MICALL2: variants seen among roughly 807,000 people sequenced by gnomAD.
MICALL2 encodes the protein MICAL like 2, also known as MICAL-like protein 2.
In MICALL2, 111 loss-of-function variants were observed where a neutral mutation model predicts 91.1. The ratio of observed to expected loss-of-function variants is 1.22; its 90% confidence interval spans 1.04 to 1.43. The LOEUF is 1.43. Ranked by LOEUF, MICALL2 falls within the 40% of genes most tolerant of loss-of-function variation. The probability of loss-of-function intolerance (pLI) is 0.00; values close to 1 mark genes in which losing one functional copy is unlikely to be tolerated. For missense variants in MICALL2, 1,556 were observed against 1,236.0 expected, an observed-to-expected ratio of 1.26 and a Z score of -3.88; for synonymous variants, 694 against 525.3, an observed-to-expected ratio of 1.32 and a Z score of -4.39.
In MICALL2 at chr7:1,440,785, T is replaced by C. The variant is rs1780243948; in HGVS notation, c.1712-101A>G. On this transcript the variant is annotated intron_variant, in intron 7 of 16. Coordinates refer to ENST00000297508, the MANE Select transcript of MICALL2 (RefSeq NM_182924.4). ...CCCCCTGCCATCTTCCCATAGCCACTCCACCCTCAGACACCCCCACAGCCA... is the reference window on the plus strand; with the variant it reads ...CCCCCTGCCATCTTCCCATAGCCACCCCACCCTCAGACACCCCCACAGCCA... The C allele has an allele frequency of 3.0e-6, 3 of 1,000,964 alleles. No homozygotes were observed. The East Asian group carries it at 7.6e-5, about 25-fold the overall frequency. 62.0% of individuals were successfully genotyped at this position (1,000,964 alleles called of 1,614,324 possible). A position where few individuals can be genotyped will look rare whatever the true frequency, so the allele number is the denominator to read the frequency against.
Position 1,452,151 on chromosome 7 carries a change from C to T in MICALL2, c.144-1863G>A, listed in dbSNP as rs1780857938. Among the ~76,000 whole-genome samples, 2 of 152,180 alleles carry T rather than the reference C, an allele frequency of 1.3e-5. No individual in the cohort carries two copies. The highest frequency in any genetic ancestry group is 2.4e-5 in the African/African-American group (1 of 41,426). Reference sequence around the variant, plus strand: ...ACAGGTTTCAGACGGCAGGACCACCCGTCTGCACAGGCGGAGCTTCTGCAC... The same window carrying T: ...ACAGGTTTCAGACGGCAGGACCACCTGTCTGCACAGGCGGAGCTTCTGCAC... On this transcript the variant is annotated intron_variant, in intron 1 of 16. Coordinates refer to ENST00000297508, the MANE Select transcript of MICALL2 (RefSeq NM_182924.4). This position sits in a 1 kb window ranked among gnomAD's most constrained non-coding sequence, Gnocchi z 6.2.
chr7:1,438,349 T>A lies in MICALL2; in HGVS notation c.2127A>T (p.Arg709Ser). The change falls in exon 11 of 17, where the codon AGA (arginine) becomes AGT (serine). Residue 709 changes from arginine (R) to serine (S), a missense_variant. Arg to Ser is a moderately radical substitution (Grantham distance 110). Transcript: ENST00000297508. ...CAGGGACATTGGCCGGGGACAAGGGTCTCCCTGGAGAAGGAGCAGGGTGAG... is the reference window on the plus strand; with the variant it reads ...CAGGGACATTGGCCGGGGACAAGGGACTCCCTGGAGAAGGAGCAGGGTGAG... The part of the protein sequence containing the change: ...KKPHLQGKPG[R>S]PLSPANVPAL... 1 of 1,601,302 alleles carries A rather than the reference T, an allele frequency of 6.2e-7. No individual in the cohort carries two copies. Among genetic ancestry groups the A allele is most frequent in the Non-Finnish European group, 8.5e-7 (1 of 1,175,466 alleles).
chr7:1,437,576 A>C lies in MICALL2; in HGVS notation c.2435T>G (p.Leu812Arg), dbSNP rs1483053079. 2.0e-6 allele frequency: 3 copies of C among 1,536,342 alleles called. No individual in the cohort carries two copies. In the East Asian group the frequency reaches 7.4e-5, roughly 38 times the overall value. The change falls in exon 14 of 17, where the codon CTG (leucine) becomes CGG (arginine). Residue 812 changes from leucine to arginine, a missense_variant. Leu to Arg is a moderately radical substitution (Grantham distance 102). Coordinates refer to ENST00000297508, the MANE Select transcript of MICALL2 (RefSeq NM_182924.4). The part of the protein sequence containing the change: ...SKAQRLEEQQ[L>R]DIEGELRRLM... Reference sequence around the variant, plus strand: ...CCGGCGCAGCTCGCCCTCGATGTCCAGCTGCTGCTCCTCCAGACGCTGGGC... The same window carrying C: ...CCGGCGCAGCTCGCCCTCGATGTCCCGCTGCTGCTCCTCCAGACGCTGGGC...
intron 2 of MICALL2, 63 bp from the exon 3 acceptor site, chr7:1,448,824 C>T (rs1780709099): frequency 1.3e-6 from 2 of 1,584,598 alleles, no homozygotes; most frequent in South Asian, 1.1e-5. Context: ...CACCAGGCCG[C>T]AGCTCACCTC....
At position 1,447,726 on chromosome 7, in the gene MICALL2, G is replaced by A; in HGVS notation, c.374C>T (p.Ser125Phe). ...MAGVKRASED[S>F]EEEPSGKKAP... ...CTTCTTCCCTGACGGCTCCTCCTCA[G>A]AGTCCTCCGAGGCCCTCTTCACGCC... Residue 125 changes from serine to phenylalanine, a missense_variant, in exon 4 of 17, where the codon TCT becomes TTT. Ser to Phe is a radical substitution (Grantham distance 155, BLOSUM62 -2). Transcript: ENST00000297508. The A allele has an allele frequency of 6.4e-7, 1 of 1,571,980 alleles. No homozygotes were observed. The highest frequency in any genetic ancestry group is 8.6e-7 in the Non-Finnish European group (1 of 1,159,584).
At chr7:1,434,701 G>A in intron 16 of MICALL2, 29 bp from the exon 17 acceptor site, 1 of 1,526,578 alleles carries the variant, frequency 6.6e-7, no homozygotes, top group South Asian at 1.3e-5. Flanking sequence ...GTGAGGCCGT[G>A]CTCAACGCCG....
chr7:1,445,209 C>A lies in MICALL2; in HGVS notation c.861G>T (p.Trp287Cys), dbSNP rs768596293. 6.2e-7 allele frequency: 1 copy of A among 1,603,342 alleles called. No homozygotes were observed. The highest frequency in any genetic ancestry group is 8.5e-7 in the Non-Finnish European group (1 of 1,175,796). The change falls in exon 6 of 17, where the codon TGG (tryptophan) becomes TGT (cysteine). Residue 287 changes from tryptophan to cysteine, a missense_variant. By Grantham distance (215) the Trp-to-Cys change is radical (BLOSUM62 -2). Coordinates refer to ENST00000297508, the MANE Select transcript of MICALL2 (RefSeq NM_182924.4). ...CAGGCGAGTTGCCCGCAGCAGGCTC[C>A]CAGGCCGACGGTCTGGCCTTGTTTG... The part of the protein sequence containing the change: ...QEANKARPSA[W>C]EPAAGNSPAR...
chr7:1,456,414 C>T (rs1412895708), intron 1 of MICALL2, among the ~76,000 whole-genome samples: 1 of 151,952 alleles, frequency 6.6e-6, no homozygotes, highest in Non-Finnish European at 1.5e-5. Context: ...GGCAAAACCC[C>T]GTCTCTAGAA....
chr7:1,453,626 T>C (rs1780914174), intron 1 of MICALL2, among the ~76,000 whole-genome samples: 1 of 151,988 alleles, frequency 6.6e-6, no homozygotes, highest in Non-Finnish European at 1.5e-5. Flanking sequence ...CAGCTACCCA[T>C]GGTGAGACGG....
chr7:1,456,016 G>A (rs1360071517), intron 1 of MICALL2, among the ~76,000 whole-genome samples: 10 of 151,880 alleles, frequency 6.6e-5, no homozygotes, highest in Non-Finnish European at 1.5e-4. Context: ...GACAGCCAAG[G>A]GCTGCATGAG....
intron 7 of MICALL2, chr7:1,440,971 G>A: frequency 4.5e-6 from 2 of 444,536 alleles, no homozygotes; most frequent in South Asian, 4.2e-5. Context: ...GAGCCCCGTG[G>A]ACCCTGATCC....
rs1037177533 is a variant in MICALL2, at chr7:1,451,730, G to A, written c.144-1442C>T. 2.0e-5 allele frequency among the ~76,000 whole-genome samples: 3 copies of A among 152,216 alleles called. No homozygotes were observed. Among genetic ancestry groups the A allele is most frequent in the Admixed American group, 6.5e-5 (1 of 15,286 alleles). On this transcript the variant is annotated intron_variant, in intron 1 of 16. Coordinates refer to ENST00000297508, the MANE Select transcript of MICALL2 (RefSeq NM_182924.4). This position sits in a 1 kb window ranked among gnomAD's most constrained non-coding sequence, Gnocchi z 4.5. ...AGTCTCCCTGTCTGGGAGGACAACCGCAGCTCCTGGTGGCGAATCTGACGG... is the reference window on the plus strand; with the variant it reads ...AGTCTCCCTGTCTGGGAGGACAACCACAGCTCCTGGTGGCGAATCTGACGG...
At position 1,442,100 on chromosome 7, in the gene MICALL2, T is replaced by C. The variant is rs1019564273; in HGVS notation, c.1711+92A>G. The C allele has an allele frequency of 5.0e-6, 7 of 1,405,258 alleles. No homozygotes were observed. In the African/African-American group the frequency reaches 5.7e-5, roughly 11 times the overall value. The allele number at this position is 1,405,258 out of a possible 1,614,324, so 87.0% of individuals were successfully genotyped here. On this transcript the variant is annotated intron_variant, in intron 7 of 16. Transcript: ENST00000297508. ...CGGAGAGGAAGGCGGGCGGGGCTGA[T>C]GATGAAACCGCACACACTGCAGAGT... is the stretch of plus-strand genomic sequence containing the variant.
chr7:1,450,716 C>T (rs956784675), intron 1 of MICALL2, among the ~76,000 whole-genome samples: 21 of 152,188 alleles, frequency 1.4e-4, no homozygotes, highest in Admixed American at 1.3e-4. Context: ...CCACAGGGAA[C>T]GGAGGAGAGA....
At chr7:1,442,937 C>T (rs1383570857) in intron 6 of MICALL2, among the ~76,000 whole-genome samples, 2 of 152,088 alleles carry the variant, frequency 1.3e-5, no homozygotes, top group Non-Finnish European at 2.9e-5. Context: ...GTCTCTCTGG[C>T]CCCGCCAGAC....
chr7:1,442,384 C>G lies in MICALL2; in HGVS notation c.1519G>C (p.Val507Leu). The G allele has an allele frequency of 6.2e-7, 1 of 1,609,192 alleles. No homozygotes were observed. The highest frequency in any genetic ancestry group is 8.5e-7 in the Non-Finnish European group (1 of 1,177,312). ...TCCATCCTCGAAGGGAGGCCAAGCACCCGGGGAGACGAGGACTGTAACGGC... is the reference window on the plus strand; with the variant it reads ...TCCATCCTCGAAGGGAGGCCAAGCAGCCGGGGAGACGAGGACTGTAACGGC... ...AKPLQSSSPRVLGLPSRMEPP... is the reference protein window; with the variant it reads ...AKPLQSSSPRLLGLPSRMEPP... The change falls in exon 7 of 17, where the codon GTG (valine) becomes CTG (leucine). Residue 507 changes from valine (V) to leucine (L), a missense_variant. Transcript: ENST00000297508.
intron 1 of MICALL2, among the ~76,000 whole-genome samples, chr7:1,458,343 C>A (rs574536289): frequency 6.6e-6 from 1 of 152,242 alleles, no homozygotes; most frequent in Admixed American, 6.5e-5. Context: ...CAAAAACACA[C>A]TCAGGAGAAC....
At chr7:1,439,497 T>G (rs1780163149) in intron 9 of MICALL2, 1 of 193,398 alleles carries the variant, frequency 5.2e-6, no homozygotes. Flanking sequence ...GCATCACGTG[T>G]GGGCACACAT....
intron 1 of MICALL2, among the ~76,000 whole-genome samples, chr7:1,454,923 C>T (rs887352664): frequency 6.6e-6 from 1 of 152,196 alleles, no homozygotes; most frequent in African/African-American, 2.4e-5. Flanking sequence ...GCCCTGAGCC[C>T]GCCTCCAGAG....
Sources: gnomAD v4.1 joint callset for allele counts (sites outside exome capture counted in the v4.1 genomes callset) on GRCh38, gnomAD v4.1.1 for gene constraint, Gnocchi (gnomAD v3.1) non-coding constraint, MANE v1.5 for transcripts, NCBI Gene and HGNC (gene_info 2026-07-23, HGNC 2026-07-21) for gene names.